Variants in MRPS21 observed in about 807,000 individuals in gnomAD.
MRPS21 encodes small ribosomal subunit protein bS21m.
A neutral mutation model predicts 9.9 loss-of-function variants in MRPS21; 8 were observed. The ratio of observed to expected loss-of-function variants is 0.81; its 90% confidence interval spans 0.47 to 1.45. The LOEUF is 1.45. Ranked by LOEUF, MRPS21 falls within the 40% of genes most tolerant of loss-of-function variation. The probability of loss-of-function intolerance (pLI) is 0.00; values close to 1 mark genes in which losing one functional copy is unlikely to be tolerated. For synonymous variants in MRPS21, 40 were observed against 40.3 expected (o/e 0.99, Z 0.03); for missense variants, 101 against 118.9 (o/e 0.85, Z 0.70).
At chr1:150,302,105 T>G (rs1654158440) in intron 2 of MRPS21, among the ~76,000 whole-genome samples, 1 of 152,212 alleles carries the variant, frequency 6.6e-6, no homozygotes, top group Admixed American at 6.5e-5. Flanking sequence ...TCCAGGCCTC[T>G]CCTGATCTCT....
intron 2 of MRPS21, among the ~76,000 whole-genome samples, chr1:150,295,814 C>G (rs1285637268): frequency 6.6e-6 from 1 of 151,942 alleles, no homozygotes; most frequent in African/African-American, 2.4e-5. Flanking sequence ...GATGGGAAAG[C>G]TTACAAGTTT....
intron 2 of MRPS21, among the ~76,000 whole-genome samples, chr1:150,295,561 G>A (rs1653886990): frequency 6.6e-6 from 1 of 152,164 alleles, no homozygotes; most frequent in African/African-American, 2.4e-5. Flanking sequence ...ATGATAAATA[G>A]AAAGCTGAGG....
intron 2 of MRPS21, among the ~76,000 whole-genome samples, chr1:150,303,297 CTT>C: frequency 6.6e-6 from 1 of 151,922 alleles, no homozygotes; most frequent in East Asian, 2.0e-4. Context: ...TATATCCAAT[CTT>C]TTTCTTTCAG....
Position 150,308,283 on chromosome 1 carries a change from CTT to C in MRPS21, c.*58_*59del. 1 of 1,531,316 alleles carries C rather than the reference CTT, an allele frequency of 6.5e-7. No individual in the cohort carries two copies. Among genetic ancestry groups the C allele is most frequent in the Non-Finnish European group, 8.9e-7 (1 of 1,121,984 alleles). The allele number at this position is 1,531,316 out of a possible 1,614,324, so 94.9% of individuals were successfully genotyped here. A position where few individuals can be genotyped will look rare whatever the true frequency, so the allele number is the denominator to read the frequency against. ...CCCTCATCCAGTTTTCTCTCCATCT[CTT>C]TTCTTTGTACAATCCCATTTCCTAT... On this transcript the variant is annotated 3_prime_UTR_variant, in exon 3 of 3. Transcript: ENST00000614145.
chr1:150,307,394 G>C (rs968750472), intron 2 of MRPS21, among the ~76,000 whole-genome samples: 1 of 113,048 alleles, frequency 8.8e-6, no homozygotes, highest in Non-Finnish European at 1.7e-5. Flanking sequence ...GTGTCACTCT[G>C]TTGTCCAGGC....
intron 2 of MRPS21, among the ~76,000 whole-genome samples, chr1:150,305,290 C>G (rs1359304055): frequency 6.6e-6 from 1 of 152,022 alleles, no homozygotes; most frequent in African/African-American, 2.4e-5. Context: ...CCTCCCAGCT[C>G]GGCCTCCCAA....
intron 2 of MRPS21, 81 bp downstream of exon 2, chr1:150,294,530 T>C: frequency 1.6e-6 from 2 of 1,227,594 alleles, no homozygotes; most frequent in Non-Finnish European, 2.4e-6. Context: ...TTTCGTTGAT[T>C]GTTCTCAAAA....
chr1:150,293,946 AG>A, intron 1 of MRPS21, 48 bp downstream of exon 1: 1 of 205,686 alleles, frequency 4.9e-6, no homozygotes, highest in Non-Finnish European at 1.0e-5. Flanking sequence ...GCTTGGCGAG[AG>A]GGCAGGTTTG....
chr1:150,299,376 T>G (rs1466295166), intron 2 of MRPS21, among the ~76,000 whole-genome samples: 1 of 152,188 alleles, frequency 6.6e-6, no homozygotes, highest in Non-Finnish European at 1.5e-5. Flanking sequence ...TTAAAAATCC[T>G]TGTCCAGCCA....
At chr1:150,303,321 T>C (rs1317655995) in intron 2 of MRPS21, among the ~76,000 whole-genome samples, 5 of 152,236 alleles carry the variant, frequency 3.3e-5, no homozygotes, top group African/African-American at 1.2e-4. Flanking sequence ...GGCTTTTTTC[T>C]ATATTTTCTC....
intron 2 of MRPS21, among the ~76,000 whole-genome samples, chr1:150,297,149 G>T (rs896508562): frequency 1.3e-5 from 2 of 152,030 alleles, no homozygotes; most frequent in South Asian, 4.1e-4. Context: ...AGATTAGCCG[G>T]GCGTGGTGGC....
At chr1:150,298,505 T>C (rs1401597675) in intron 2 of MRPS21, among the ~76,000 whole-genome samples, 1 of 152,234 alleles carries the variant, frequency 6.6e-6, no homozygotes. Flanking sequence ...AGTTCCCTTA[T>C]TCCTAAAGTA....
chr1:150,302,687 T>C (rs1553857886), intron 2 of MRPS21, among the ~76,000 whole-genome samples: 1 of 152,204 alleles, frequency 6.6e-6, no homozygotes, highest in Admixed American at 6.6e-5. Flanking sequence ...CTTGATGTAC[T>C]AGTCCTTGAA....
At chr1:150,301,300 A>C (rs1654117237) in intron 2 of MRPS21, 2 of 270,356 alleles carry the variant, frequency 7.4e-6, no homozygotes, top group South Asian at 5.9e-5. Context: ...GCGCCATTGC[A>C]CTCCAACCTG....
At chr1:150,307,942 A>AT in intron 2 of MRPS21, 106 bp from the exon 3 acceptor site, 1 of 1,132,366 alleles carries the variant, frequency 8.8e-7, no homozygotes, top group Non-Finnish European at 1.2e-6. Flanking sequence ...TTCCCACTGT[A>AT]TTTTTTATAA....
intron 2 of MRPS21, among the ~76,000 whole-genome samples, chr1:150,305,504 C>T (rs1654296076): frequency 6.6e-6 from 1 of 152,142 alleles, no homozygotes. Context: ...GTAAAGGGAA[C>T]ATCATGAGCA....
intron 2 of MRPS21, among the ~76,000 whole-genome samples, chr1:150,296,351 C>T (rs1265246180): frequency 2.0e-5 from 3 of 152,232 alleles, no homozygotes; most frequent in African/African-American, 7.2e-5. Flanking sequence ...ACTCACGCGT[C>T]ATTTTCTTTC....
intron 2 of MRPS21, among the ~76,000 whole-genome samples, chr1:150,307,347 CCTTTTTTT>C (rs1654376745): frequency 1.5e-3 from 5 of 3,278 alleles, no homozygotes; most frequent in Non-Finnish European, 4.1e-3. Flanking sequence ...TGTGCCCAGT[CCTTTTTTT>C]TTTTTTTTTT....
intron 2 of MRPS21, among the ~76,000 whole-genome samples, chr1:150,299,451 TGTTTG>T (rs1654034780): frequency 5.9e-5 from 9 of 151,888 alleles, no homozygotes; most frequent in African/African-American, 1.7e-4. Flanking sequence ...GTTTTTTGTT[TGTTTG>T]TTTGTTTGTT....
Sources: gnomAD v4.1 joint callset for allele counts (sites outside exome capture counted in the v4.1 genomes callset) on GRCh38, gnomAD v4.1.1 for gene constraint, MANE v1.5 for transcripts, NCBI Gene and HGNC (gene_info 2026-07-23, HGNC 2026-07-21) for gene names.